PATL2: variants seen among roughly 807,000 people sequenced by gnomAD.
PATL2 encodes protein PAT1 homolog 2.
PATL2 carries 73 observed loss-of-function variants against 77.0 expected under a neutral mutation model. That is an observed-to-expected ratio of 0.95 (90% CI 0.78 to 1.15). The LOEUF is 1.15. PATL2 is among the 50% of genes most tolerant of loss of function. The probability of loss-of-function intolerance (pLI) is 0.00; values close to 1 mark genes in which losing one functional copy is unlikely to be tolerated. For synonymous variants in PATL2, 265 were observed against 257.1 expected (o/e 1.03, Z -0.29); for missense variants, 618 against 655.4 (o/e 0.94, Z 0.62).
intron 3 of PATL2, among the ~76,000 whole-genome samples, chr15:44,705,655 T>C (rs2086719294): frequency 6.6e-6 from 1 of 152,196 alleles, no homozygotes; most frequent in African/African-American, 2.4e-5. Context: ...TAAGAGAGTC[T>C]GATGCACCCT....
rs2255235 is a variant in PATL2 at position 44,711,166 on chromosome 15, T to G, written c.-400A>C. 0.85 allele frequency: 347,168 copies of G among 410,114 alleles called. 148,442 individuals are homozygous for G. The highest frequency in any genetic ancestry group is 0.89 in the Non-Finnish European group (193,929 of 218,074). 25.4% of individuals were successfully genotyped at this position (410,114 alleles called of 1,614,324 possible). On this transcript the variant is annotated 5_prime_UTR_variant, in exon 1 of 18. Transcript: ENST00000682850. ...ATGCAGGTCCGAGCAGTTAACTGGC[T>G]GGGGCACCATTAGCAAGTCACTTAG... is the stretch of plus-strand genomic sequence containing the variant.
At chr15:44,671,261 G>A (rs908465787) in intron 9 of PATL2, among the ~76,000 whole-genome samples, 1 of 152,150 alleles carries the variant, frequency 6.6e-6, no homozygotes, top group Non-Finnish European at 1.5e-5. Flanking sequence ...GGCCGAGGCG[G>A]GTGGATCACT....
intron 5 of PATL2, chr15:44,675,260 T>C (rs1595969268): frequency 1.8e-6 from 1 of 556,204 alleles, no homozygotes; most frequent in East Asian, 3.1e-5. Context: ...TGCACAGCTC[T>C]GCTAGGACCT....
In PATL2 at chr15:44,673,751, A is replaced by C. The variant is rs531422896; in HGVS notation, c.304-374T>G. Reference sequence around the variant, plus strand: ...CTCAAAGCCCTCCTCAGAGCTCTTAATTCCTTCTAGTTCTCCCTGAAGGAT... The same window carrying C: ...CTCAAAGCCCTCCTCAGAGCTCTTACTTCCTTCTAGTTCTCCCTGAAGGAT... On this transcript the variant is annotated intron_variant, in intron 6 of 17. Coordinates refer to ENST00000682850, the MANE Select transcript of PATL2 (RefSeq NM_001387263.1). 4.6e-3 allele frequency among the ~76,000 whole-genome samples: 691 copies of C among 151,686 alleles called. 11 individuals are homozygous for C. Among genetic ancestry groups the C allele is most frequent in the African/African-American group, 0.016 (651 of 41,328 alleles).
chr15:44,666,343 A>G, intron 17 of PATL2, 49 bp downstream of exon 17: 3 of 1,545,310 alleles, frequency 1.9e-6, no homozygotes, highest in Non-Finnish European at 1.8e-6. Flanking sequence ...AACAGAACAT[A>G]GATTGGGCTT....
intron 6 of PATL2, 61 bp from the exon 7 acceptor site, chr15:44,673,438 G>T (rs977785279): frequency 6.5e-7 from 1 of 1,533,620 alleles, no homozygotes; most frequent in Non-Finnish European, 8.8e-7. Flanking sequence ...TGCTGCTCTT[G>T]TTGTGAGGGC....
intron 3 of PATL2, among the ~76,000 whole-genome samples, chr15:44,692,649 A>G (rs2086417722): frequency 6.6e-6 from 1 of 152,246 alleles, no homozygotes; most frequent in Admixed American, 6.5e-5. Flanking sequence ...GTGAACACTG[A>G]GATCAGATGG....
chr15:44,667,395 C>T, intron 15 of PATL2, 192 bp from the exon 16 acceptor site: 1 of 552,984 alleles, frequency 1.8e-6, no homozygotes, highest in South Asian at 2.2e-5. Flanking sequence ...GGAATCACTG[C>T]TCTGAACTTT....
At chr15:44,672,835 C>A (rs1441828244) in intron 7 of PATL2, among the ~76,000 whole-genome samples, 1 of 152,216 alleles carries the variant, frequency 6.6e-6, no homozygotes, top group Non-Finnish European at 1.5e-5. Context: ...TCTCAGCTCA[C>A]TGCAACCTCT....
In PATL2 at chr15:44,690,935, C is replaced by T. The variant is rs539393363; in HGVS notation, c.-75-14370G>A. ...TTAGTTAAGTGTGAATGTCTGTTAA[C>T]ACAGAATGTCTGTGTCCTTATGGAG... On this transcript the variant is annotated intron_variant, in intron 3 of 17. Coordinates refer to ENST00000682850, the MANE Select transcript of PATL2 (RefSeq NM_001387263.1). Among the ~76,000 whole-genome samples, 8 of 152,134 alleles carry T rather than the reference C, an allele frequency of 5.3e-5. No homozygotes were observed. The South Asian group carries it at 1.5e-3, about 28-fold the overall frequency.
intron 16 of PATL2, 185 bp from the exon 17 acceptor site, chr15:44,666,726 C>T: frequency 1.7e-6 from 1 of 591,792 alleles, no homozygotes; most frequent in Non-Finnish European, 2.8e-6. Flanking sequence ...CATTTCCCTT[C>T]CTATTTAATC....
chr15:44,704,274 C>T (rs2086689536), intron 3 of PATL2, among the ~76,000 whole-genome samples: 1 of 150,876 alleles, frequency 6.6e-6, no homozygotes, highest in Non-Finnish European at 1.5e-5. Flanking sequence ...CTTTGGCCTC[C>T]CAAAGTGCTA....
intron 3 of PATL2, among the ~76,000 whole-genome samples, chr15:44,706,332 G>A (rs1228448441): frequency 2.0e-5 from 3 of 152,166 alleles, no homozygotes; most frequent in Non-Finnish European, 2.9e-5. Context: ...TGGGTGTTGT[G>A]ATCTAAGTTT....
intron 3 of PATL2, among the ~76,000 whole-genome samples, chr15:44,705,435 C>T (rs1433281128): frequency 6.6e-6 from 1 of 152,188 alleles, no homozygotes; most frequent in Non-Finnish European, 1.5e-5. Flanking sequence ...CCACCTTGGC[C>T]TCCCAAAGTG....
intron 3 of PATL2, among the ~76,000 whole-genome samples, chr15:44,693,790 T>C (rs2086446636): frequency 6.6e-6 from 1 of 151,698 alleles, no homozygotes; most frequent in African/African-American, 2.4e-5. Flanking sequence ...CTCACTTCAA[T>C]CGCACTTCAA....
chr15:44,705,252 G>A (rs940534400), intron 3 of PATL2, among the ~76,000 whole-genome samples: 7 of 151,900 alleles, frequency 4.6e-5, no homozygotes, highest in Middle Eastern at 3.4e-3. Flanking sequence ...CTGTGATCTT[G>A]GTTCACTACA....
chr15:44,704,965 C>G (rs780603797), intron 3 of PATL2, among the ~76,000 whole-genome samples: 2 of 152,070 alleles, frequency 1.3e-5, no homozygotes, highest in African/African-American at 2.4e-5. Flanking sequence ...TTTTCTGTTG[C>G]TGCTTTTAGG....
chr15:44,672,326 A>T, intron 8 of PATL2, 62 bp downstream of exon 8: 1 of 1,530,848 alleles, frequency 6.5e-7, no homozygotes, highest in South Asian at 1.2e-5. Context: ...ACAACTGGTC[A>T]CAAGGGGAGA....
rs111974789 is a variant in PATL2 at position 44,710,794 on chromosome 15, G to A, written c.-195+77C>T. On this transcript the variant is annotated intron_variant, in intron 2 of 17. Coordinates refer to ENST00000682850, the MANE Select transcript of PATL2 (RefSeq NM_001387263.1). ...CGCTGGAAGCTCTAAAGCCCTAGCAGTTACTGCTTTTACTATTAGTGGTCG... is the reference window on the plus strand; with the variant it reads ...CGCTGGAAGCTCTAAAGCCCTAGCAATTACTGCTTTTACTATTAGTGGTCG... Among the ~76,000 whole-genome samples the A allele has an allele frequency of 3.0e-3, 464 of 152,188 alleles. 1 individual carries two copies. The highest frequency in any genetic ancestry group is 0.011 in the African/African-American group (453 of 41,510).
Sources: gnomAD v4.1 joint callset for allele counts (sites outside exome capture counted in the v4.1 genomes callset) on GRCh38, gnomAD v4.1.1 for gene constraint, MANE v1.5 for transcripts, NCBI Gene and HGNC (gene_info 2026-07-23, HGNC 2026-07-21) for gene names.